Variants in SPPL2B observed in about 807,000 individuals in gnomAD.
SPPL2B encodes the protein signal peptide peptidase like 2B.
Under a neutral mutation model 59.7 loss-of-function variants are expected in SPPL2B, and 39 were observed. The observed-to-expected ratio is 0.65, with a 90% confidence interval of 0.51 to 0.85. The LOEUF (loss-of-function observed/expected upper bound fraction) is 0.85. SPPL2B is among the 40% of genes least tolerant of loss of function. The probability of loss-of-function intolerance (pLI) is 0.00; values close to 1 mark genes in which losing one functional copy is unlikely to be tolerated. For synonymous variants in SPPL2B, 419 were observed against 370.8 expected (o/e 1.13, Z -1.49); for missense variants, 865 against 849.0 (o/e 1.02, Z -0.23).
intron 13 of SPPL2B, among the ~76,000 whole-genome samples, chr19:2,350,456 T>G (rs1969862575): frequency 7.1e-6 from 1 of 141,540 alleles, no homozygotes; most frequent in Non-Finnish European, 1.5e-5. Context: ...TTGATTCCGT[T>G]CTCTCTCTCC....
intron 3 of SPPL2B, 114 bp from the exon 4 acceptor site, chr19:2,338,638 A>G (rs1968798029): frequency 4.4e-6 from 3 of 680,206 alleles, no homozygotes; most frequent in Non-Finnish European, 7.5e-6. Flanking sequence ...AGGCGCCCCC[A>G]GCCTGACCCG....
At chr19:2,349,205 TTC>T (rs199971248) in intron 13 of SPPL2B, among the ~76,000 whole-genome samples, 8 of 14,518 alleles carry the variant, frequency 5.5e-4, no homozygotes, top group Non-Finnish European at 7.2e-4. Context: ...CTTGATTCCG[TTC>T]TCTCTCTCCA....
At chr19:2,351,758 G>A in intron 14 of SPPL2B, 164 bp downstream of exon 14, 2 of 865,654 alleles carry the variant, frequency 2.3e-6, no homozygotes, top group Non-Finnish European at 3.3e-6. Context: ...GGCCCCGGTG[G>A]AAGGACGTGC....
intron 7 of SPPL2B, among the ~76,000 whole-genome samples, 183 bp downstream of exon 7, chr19:2,340,355 A>T (rs1173523013): frequency 6.6e-6 from 1 of 151,992 alleles, no homozygotes; most frequent in Non-Finnish European, 1.5e-5. Flanking sequence ...CTATCAATGG[A>T]GCCCACCAGC....
At chr19:2,346,581 C>A (rs746927804) in intron 13 of SPPL2B, among the ~76,000 whole-genome samples, 1 of 152,140 alleles carries the variant, frequency 6.6e-6, no homozygotes, top group Non-Finnish European at 1.5e-5. Context: ...GTGGGAGGAT[C>A]GCTTGAGCCT....
In SPPL2B at chr19:2,345,295, A is replaced by G. The variant is rs377245605; in HGVS notation, c.1319A>G (p.Gln440Arg). 3 of 1,613,046 alleles carry G rather than the reference A, an allele frequency of 1.9e-6. No homozygotes were observed. The highest frequency in any genetic ancestry group is 1.7e-6 in the Non-Finnish European group (2 of 1,179,708). The change falls in exon 13 of 15, where the codon CAG becomes CGG. Residue 440 changes from glutamine to arginine, a missense_variant. Physicochemically the swap from Gln to Arg is conservative, Grantham distance 43 (BLOSUM62 1). Transcript: ENST00000613503. ...AYCHRFDIQV[Q>R]SSRVYFVACT... ...TGCCACAGGTTTGACATCCAGGTACAGTCCTCCAGGGTATACTTCGTGGCC... is the reference window on the plus strand; with the variant it reads ...TGCCACAGGTTTGACATCCAGGTACGGTCCTCCAGGGTATACTTCGTGGCC...
rs1969304322 is a variant in SPPL2B at position 2,345,325 on chromosome 19, C to T, written c.1349C>T (p.Thr450Ile). 1.9e-6 allele frequency: 3 copies of T among 1,613,102 alleles called. No homozygotes were observed. The highest frequency in any genetic ancestry group is 2.5e-6 in the Non-Finnish European group (3 of 1,179,634). Reference sequence around the variant, plus strand: ...TCCAGGGTATACTTCGTGGCCTGCACCATCGGTAAGTGCCTCGGTTGGGCC... The same window carrying T: ...TCCAGGGTATACTTCGTGGCCTGCATCATCGGTAAGTGCCTCGGTTGGGCC... ...QSSRVYFVAC[T>I]IAYGVGLLVT... Residue 450 changes from threonine (T) to isoleucine (I), a missense_variant, in exon 13 of 15, where the codon ACC becomes ATC. By Grantham distance (89) the Thr-to-Ile change is moderately conservative (BLOSUM62 -1). Coordinates refer to ENST00000613503, the MANE Select transcript of SPPL2B (RefSeq NM_152988.3).
intron 13 of SPPL2B, among the ~76,000 whole-genome samples, chr19:2,347,275 C>T (rs1383056202): frequency 3.3e-5 from 4 of 121,798 alleles, no homozygotes; most frequent in East Asian, 5.1e-4. Flanking sequence ...CACACTCACG[C>T]ACTCTCATTC....
At position 2,344,275 on chromosome 19, in the gene SPPL2B, A is replaced by G. The variant is rs866580314; in HGVS notation, c.1114-87A>G. ...CCTGCCCCTTGCACCCCCCCATCGC[A>G]TCACCCTGCCCCCTCGCCCCATCAC... On this transcript the variant is annotated intron_variant, in intron 10 of 14. Transcript: ENST00000613503. The G allele has an allele frequency of 8.5e-5, 25 of 292,580 alleles. No individual in the cohort carries two copies. In the African/African-American group the frequency reaches 1.3e-3, roughly 15 times the overall value. The allele number at this position is 292,580 out of a possible 1,614,324, so 18.1% of individuals were successfully genotyped here. A position where few individuals can be genotyped will look rare whatever the true frequency, so the allele number is the denominator to read the frequency against.
At position 2,340,891 on chromosome 19, in the gene SPPL2B, C is replaced by T. The variant is rs186129878; in HGVS notation, c.840-7C>T. 10 of 1,568,370 alleles carry T rather than the reference C, an allele frequency of 6.4e-6. No homozygotes were observed. The South Asian group carries it at 8.0e-5, about 13-fold the overall frequency. Reference sequence around the variant, plus strand: ...GGGCTTGGCTCTGACTGCCCCGTGCCCCCCAGGATCCCCAACAACAGCCTG... The same window carrying T: ...GGGCTTGGCTCTGACTGCCCCGTGCTCCCCAGGATCCCCAACAACAGCCTG... On this transcript the variant is annotated splice_polypyrimidine_tract_variant and splice_region_variant and intron_variant, in intron 7 of 14. Coordinates refer to ENST00000613503, the MANE Select transcript of SPPL2B (RefSeq NM_152988.3).
At chr19:2,337,926 G>T in intron 3 of SPPL2B, 2 of 318,572 alleles carry the variant, frequency 6.3e-6, no homozygotes, top group Non-Finnish European at 1.2e-5. Flanking sequence ...CACACTCTCT[G>T]TGGGGATGGG....
At chr19:2,329,179 G>C (rs958227086) in intron 1 of SPPL2B, among the ~76,000 whole-genome samples, 1 of 152,234 alleles carries the variant, frequency 6.6e-6, no homozygotes, top group Non-Finnish European at 1.5e-5. Context: ...GAACGGGCAC[G>C]GTGCTAAGCT....
chr19:2,336,816 C>T (rs1435757859), intron 2 of SPPL2B, among the ~76,000 whole-genome samples: 2 of 136,294 alleles, frequency 1.5e-5, no homozygotes, highest in Non-Finnish European at 1.6e-5. Context: ...TGCGCGCTGG[C>T]CTGGCTGCGG....
intron 1 of SPPL2B, among the ~76,000 whole-genome samples, chr19:2,331,880 T>C (rs1268737825): frequency 1.3e-5 from 2 of 152,248 alleles, no homozygotes. Context: ...GGCTTGGCTG[T>C]GTTCCAATAA....
intron 1 of SPPL2B, among the ~76,000 whole-genome samples, chr19:2,330,026 G>C (rs1052531386): frequency 6.6e-6 from 1 of 152,140 alleles, no homozygotes; most frequent in African/African-American, 2.4e-5. Context: ...TTGGAAGGAG[G>C]GGGAAAGCCA....
chr19:2,353,421 C>T lies in SPPL2B; in HGVS notation c.*212C>T. On this transcript the variant is annotated 3_prime_UTR_variant, in exon 15 of 15. Transcript: ENST00000613503. ...GCCCCGGCTGCACGCCTGCTGCTCCCAGCTCGCCCGGCTGCCACAAGCTCT... is the reference window on the plus strand; with the variant it reads ...GCCCCGGCTGCACGCCTGCTGCTCCTAGCTCGCCCGGCTGCCACAAGCTCT... 1.6e-6 allele frequency: 1 copy of T among 607,160 alleles called. No homozygotes were observed. The highest frequency in any genetic ancestry group is 1.9e-5 in the African/African-American group (1 of 51,584). The allele number at this position is 607,160 out of a possible 1,614,324, so 37.6% of individuals were successfully genotyped here.
intron 2 of SPPL2B, among the ~76,000 whole-genome samples, chr19:2,336,302 G>A (rs1442846023): frequency 1.3e-5 from 2 of 152,102 alleles, no homozygotes; most frequent in African/African-American, 4.8e-5. Context: ...GTGTGCAGGT[G>A]TGTGTAAGCA....
chr19:2,342,315 AC>A (rs1442301118), intron 8 of SPPL2B: 1 of 152,362 alleles, frequency 6.6e-6, no homozygotes, highest in African/African-American at 2.4e-5. Flanking sequence ...CCCACTGTGG[AC>A]CCAGAGGTTC....
intron 13 of SPPL2B, among the ~76,000 whole-genome samples, chr19:2,346,261 A>AGGGCCAGGAGAGTTC (rs1202946075): frequency 2.6e-5 from 4 of 152,224 alleles, no homozygotes; most frequent in African/African-American, 9.6e-5. Context: ...GGCCACTCCC[A>AGGGCCAGGAGAGTTC]GGGCCAGGAG....
Sources: allele counts gnomAD v4.1 joint callset (sites outside exome capture counted in the v4.1 genomes callset), GRCh38; gene constraint gnomAD v4.1.1; transcripts MANE v1.5; gene names NCBI Gene and HGNC (gene_info 2026-07-23, HGNC 2026-07-21).